The following LRP1 variants were observed in gnomAD, a reference collection of about 807,000 sequenced individuals.
LRP1 encodes LDL receptor related protein 1.
Under a neutral mutation model 541.5 loss-of-function variants are expected in LRP1, and 51 were observed. The ratio of observed to expected loss-of-function variants is 0.09; its 90% CI spans 0.08 to 0.12. The LOEUF (loss-of-function observed/expected upper bound fraction) is 0.12. Among genes scored for constraint, LRP1 ranks in the 10% least tolerant of loss-of-function variants. LRP1 has a pLI of 1.00. For synonymous variants in LRP1, 2,219 were observed against 2,470.8 expected, an observed-to-expected ratio of 0.90 and a Z score of 3.02; for missense variants, 3,878 against 6,376.2, an observed-to-expected ratio of 0.61 and a Z score of 13.34.
At chr12:57,138,435 T>C in intron 1 of LRP1, 24 bp from the exon 2 acceptor site, 1 of 1,611,774 alleles carries the variant, frequency 6.2e-7, no homozygotes, top group Non-Finnish European at 8.5e-7. Flanking sequence ...TTCATTTATA[T>C]CCCCTTTTCT....
At position 57,177,641 on chromosome 12, in the gene LRP1, G is replaced by C. The variant is rs781520320; in HGVS notation, c.4361+50G>C. 5.0e-6 allele frequency: 8 copies of C among 1,594,956 alleles called. No individual in the cohort carries two copies. The highest frequency in any genetic ancestry group is 6.8e-6 in the Non-Finnish European group (8 of 1,168,188). Reference sequence around the variant, plus strand: ...AGGCCCAAGTCTGTGGCACCAGGACGGGGTGGGGAGGAACCTGTGGTGATG... The same window carrying C: ...AGGCCCAAGTCTGTGGCACCAGGACCGGGTGGGGAGGAACCTGTGGTGATG... On this transcript the variant is annotated intron_variant, in intron 26 of 88. Coordinates refer to ENST00000243077, the MANE Select transcript of LRP1 (RefSeq NM_002332.3). The surrounding 1 kb of genome is among the most constrained non-coding windows in gnomAD (Gnocchi z 6.8).
At chr12:57,203,633 T>A in intron 70 of LRP1, 112 bp downstream of exon 70, 1 of 1,319,772 alleles carries the variant, frequency 7.6e-7, no homozygotes, top group Non-Finnish European at 1.0e-6. Flanking sequence ...ATGCAACAAA[T>A]ATTTATTAAG....
In LRP1 at chr12:57,212,234, C is replaced by T. The variant is rs34223830; in HGVS notation, c.13467C>T (p.Asp4489=). The stretch of plus-strand genomic sequence containing the variant: ...CTGATGATGTGGGAGGCCTACTGGA[C>T]GCTGACTTTGCCCTGGACCCTGACA... ...GEPDDVGGLL[D]ADFALDPDKP... The change falls in exon 88 of 89, where the codon GAC becomes GAT. Residue 4489 remains aspartate, a synonymous_variant. Coordinates refer to ENST00000243077, the MANE Select transcript of LRP1 (RefSeq NM_002332.3). The surrounding 1 kb of genome is among the most constrained non-coding windows in gnomAD (Gnocchi z 5.0). The T allele has an allele frequency of 2.6e-3, 4,196 of 1,613,696 alleles. 26 individuals are homozygous for T. The highest frequency in any genetic ancestry group is 5.6e-3 in the Middle Eastern group (34 of 6,062).
At chr12:57,168,316 C>T (rs1186293901) in intron 19 of LRP1, 1 of 153,224 alleles carries the variant, frequency 6.5e-6, no homozygotes, top group African/African-American at 2.4e-5. Context: ...GCCCCTACTC[C>T]AGAGCTGCTA....
rs2036117292 is a variant in LRP1 at position 57,179,477 on chromosome 12, G to T, written c.4887G>T (p.Val1629=). Residue 1629 remains valine (V), a synonymous_variant, in exon 29 of 89, where the codon GTG becomes GTT. Coordinates refer to ENST00000243077, the MANE Select transcript of LRP1 (RefSeq NM_002332.3). The surrounding 1 kb of genome is among the most constrained non-coding windows in gnomAD (Gnocchi z 6.8). The stretch of plus-strand genomic sequence containing the variant: ...ACTACGATGCCCGCGAGCAGCGTGT[G>T]TACTGGTCTGACGTGCGGACACAGG... The part of the protein sequence containing the change: ...VLDYDAREQR[V]YWSDVRTQAI... The T allele has an allele frequency of 1.9e-6, 3 of 1,614,242 alleles. No homozygotes were observed. The East Asian group carries it at 6.7e-5, about 36-fold the overall frequency.
Position 57,178,718 on chromosome 12 carries a change from T to C in LRP1, c.4606+115T>C. 2.6e-6 allele frequency: 4 copies of C among 1,545,564 alleles called. No individual in the cohort carries two copies. The highest frequency in any genetic ancestry group is 3.5e-6 in the Non-Finnish European group (4 of 1,139,368). On this transcript the variant is annotated intron_variant, in intron 27 of 88. Transcript: ENST00000243077. This position sits in a 1 kb window ranked among gnomAD's most constrained non-coding sequence, Gnocchi z 5.8. The stretch of plus-strand genomic sequence containing the variant: ...GAACAGGAGCAAGTCTGTGCTGGGA[T>C]GGCAGGGGTAGGCCGGCTGTTGACA...
At chr12:57,163,127 G>T (rs1017320232) in intron 15 of LRP1, 144 bp downstream of exon 15, 11 of 1,235,500 alleles carry the variant, frequency 8.9e-6, no homozygotes, top group Middle Eastern at 5.7e-4. Context: ...AAGCAAGGGA[G>T]GGGGAGAGCA....
intron 6 of LRP1, among the ~76,000 whole-genome samples, chr12:57,147,114 A>C (rs770582713): frequency 1.9e-4 from 29 of 151,432 alleles, no homozygotes; most frequent in Non-Finnish European, 3.2e-4. Context: ...TGCTAAACTC[A>C]CTGGGCCTCT....
In LRP1 at chr12:57,207,891, A is replaced by C. The variant is rs2036819413; in HGVS notation, c.11860-147A>C. 2.3e-5 allele frequency: 20 copies of C among 865,464 alleles called. No individual in the cohort carries two copies. In the South Asian group the frequency reaches 3.5e-4, roughly 15 times the overall value. 53.6% of individuals were successfully genotyped at this position (865,464 alleles called of 1,614,324 possible). A position where few individuals can be genotyped will look rare whatever the true frequency, so the allele number is the denominator to read the frequency against. ...CGTGTGAGAGCTGCGAGTCTGGCGC[A>C]TAAGCTCCATGCCGGTTGAATCTCT... On this transcript the variant is annotated intron_variant, in intron 76 of 88. Transcript: ENST00000243077.
intron 2 of LRP1, 30 bp from the exon 3 acceptor site, chr12:57,141,344 G>C (rs903738944): frequency 6.2e-7 from 1 of 1,613,654 alleles, no homozygotes; most frequent in African/African-American, 1.3e-5. Context: ...TAGCCAGCTT[G>C]TTCATGCCCA....
chr12:57,170,829 A>C (rs1392400505), intron 20 of LRP1, among the ~76,000 whole-genome samples: 1 of 152,104 alleles, frequency 6.6e-6, no homozygotes, highest in African/African-American at 2.4e-5. Flanking sequence ...AGAAAAAAAA[A>C]GTTTAAAAAA....
Position 57,211,635 on chromosome 12 carries a change from C to A in LRP1, c.13193+47C>A. 1 of 1,606,150 alleles carries A rather than the reference C, an allele frequency of 6.2e-7. No individual in the cohort carries two copies. Among genetic ancestry groups the A allele is most frequent in the Non-Finnish European group, 8.5e-7 (1 of 1,173,006 alleles). On this transcript the variant is annotated intron_variant, in intron 85 of 88. Coordinates refer to ENST00000243077, the MANE Select transcript of LRP1 (RefSeq NM_002332.3). This position sits in a 1 kb window ranked among gnomAD's most constrained non-coding sequence, Gnocchi z 4.3. The stretch of plus-strand genomic sequence containing the variant: ...CCCAGGCATAGATCATCGCTCCCTT[C>A]CCCAGATTTGAGCAGGAGGACCGTC...
At position 57,208,701 on chromosome 12, in the gene LRP1, C is replaced by A; in HGVS notation, c.12039-10C>A. On this transcript the variant is annotated splice_polypyrimidine_tract_variant and intron_variant, in intron 77 of 88. Coordinates refer to ENST00000243077, the MANE Select transcript of LRP1 (RefSeq NM_002332.3). ...CGGCCTGCCCACACTCACCCCTTCT[C>A]CCTCCCCAGGACCATGTACTGGTCA... 6.3e-7 allele frequency: 1 copy of A among 1,591,462 alleles called. No individual in the cohort carries two copies. The highest frequency in any genetic ancestry group is 8.6e-7 in the Non-Finnish European group (1 of 1,161,582).
At chr12:57,203,953 G>A (rs979944870) in intron 70 of LRP1, 2 of 194,792 alleles carry the variant, frequency 1.0e-5, no homozygotes, top group African/African-American at 4.7e-5. Flanking sequence ...GGGGGCAGGT[G>A]AAGCCCGGGA....
chr12:57,195,580 A>C (rs1210019869), intron 52 of LRP1, 78 bp from the exon 53 acceptor site: 3 of 1,606,760 alleles, frequency 1.9e-6, no homozygotes, highest in Non-Finnish European at 2.5e-6. Flanking sequence ...TACCAGGAGA[A>C]CCACAGGAGG....
intron 1 of LRP1, among the ~76,000 whole-genome samples, chr12:57,129,380 C>A (rs959894165): frequency 6.6e-6 from 1 of 152,272 alleles, no homozygotes; most frequent in East Asian, 1.9e-4. Context: ...CCCCCCACCC[C>A]CCATCTGAAT....
intron 61 of LRP1, 92 bp downstream of exon 61, chr12:57,199,492 A>C: frequency 7.2e-7 from 1 of 1,385,578 alleles, no homozygotes; most frequent in Non-Finnish European, 9.9e-7. Context: ...GCATTGACCA[A>C]GCCCTCCTGG....
At position 57,201,998 on chromosome 12, in the gene LRP1, A is replaced by G; in HGVS notation, c.10594+93A>G. The G allele has an allele frequency of 1.9e-6, 3 of 1,542,830 alleles. No homozygotes were observed. Among genetic ancestry groups the G allele is most frequent in the Non-Finnish European group, 2.7e-6 (3 of 1,126,326 alleles). ...GTGGAGGGCTGGGGGCCGCCTGCTT[A>G]CCGGTCTCAGCGTGGCCCTGCTGCT... is the stretch of plus-strand genomic sequence containing the variant. On this transcript the variant is annotated intron_variant, in intron 67 of 88. Transcript: ENST00000243077. This position sits in a 1 kb window ranked among gnomAD's most constrained non-coding sequence, Gnocchi z 6.4.
intron 5 of LRP1, 54 bp downstream of exon 5, chr12:57,145,154 C>T (rs1338186291): frequency 1.2e-6 from 2 of 1,613,280 alleles, no homozygotes; most frequent in Middle Eastern, 1.6e-4. Flanking sequence ...CAATGCTGTT[C>T]CCTGGTGGGT....
Sources: allele counts gnomAD v4.1 joint callset (sites outside exome capture counted in the v4.1 genomes callset), GRCh38; gene constraint gnomAD v4.1.1; non-coding constraint Gnocchi (gnomAD v3.1); transcripts MANE v1.5; gene names NCBI Gene and HGNC (gene_info 2026-07-23, HGNC 2026-07-21).